The following EYS variants were observed in gnomAD, a reference collection of about 807,000 sequenced individuals.
EYS encodes the protein protein eyes shut homolog.
EYS carries 250 observed loss-of-function variants against 282.1 expected under a neutral mutation model. The observed-to-expected ratio is 0.89, with a 90% CI of 0.80 to 0.98. The LOEUF is 0.98. Among genes scored for constraint, EYS ranks in the 50% least tolerant of loss-of-function variants. The probability of loss-of-function intolerance (pLI) is 0.00; values close to 1 mark genes in which losing one functional copy is unlikely to be tolerated. For synonymous variants in EYS, 1,355 were observed against 1,282.9 expected, an observed-to-expected ratio of 1.06 and a Z score of -1.20; for missense variants, 4,016 against 3,709.0, an observed-to-expected ratio of 1.08 and a Z score of -2.15.
chr6:64,885,195 G>A (rs998709645), intron 19 of EYS, among the ~76,000 whole-genome samples: 1 of 151,548 alleles, frequency 6.6e-6, no homozygotes, highest in Non-Finnish European at 1.5e-5. Flanking sequence ...AATTAATTGA[G>A]TTTTCTTTTA....
chr6:65,384,463 C>T lies in EYS; in HGVS notation c.1222G>A (p.Ala408Thr), dbSNP rs751393941. The change falls in exon 8 of 43, where the codon GCA becomes ACA. Residue 408 changes from alanine to threonine, a missense_variant. Physicochemically the swap from Ala to Thr is moderately conservative, Grantham distance 58 (BLOSUM62 0). Coordinates refer to ENST00000503581, the MANE Select transcript of EYS (RefSeq NM_001142800.2). ...SGFTEKNCEK[A>T]IDHCKLLSIN... ...CTGAGCAGTTTACAGTGGTCAATTG[C>T]TTTCTCACAGTTTTTTTCAGTAAAT... 2.5e-6 allele frequency: 4 copies of T among 1,607,940 alleles called. No homozygotes were observed. Among genetic ancestry groups the T allele is most frequent in the South Asian group, 2.2e-5 (2 of 90,982 alleles).
chr6:65,313,706 C>T (rs138831054), intron 11 of EYS, among the ~76,000 whole-genome samples: 6,986 of 152,246 alleles, frequency 0.046, 219 homozygotes, highest in South Asian at 0.088. Flanking sequence ...ACAGCAAACA[C>T]CTGGCCCAGG....
At chr6:64,849,188 T>C (rs1765807019) in intron 19 of EYS, among the ~76,000 whole-genome samples, 1 of 151,988 alleles carries the variant, frequency 6.6e-6, no homozygotes, top group Admixed American at 6.6e-5. Flanking sequence ...TTAGCATTCA[T>C]GTAGCCAATA....
chr6:65,505,235 G>C (rs1021640818), intron 2 of EYS, among the ~76,000 whole-genome samples: 2 of 151,638 alleles, frequency 1.3e-5, no homozygotes, highest in African/African-American at 4.8e-5. Context: ...AATGCCCATA[G>C]GAACAATAAT....
intron 16 of EYS, among the ~76,000 whole-genome samples, chr6:64,907,171 A>T (rs1276941760): frequency 1.3e-5 from 2 of 152,138 alleles, no homozygotes; most frequent in East Asian, 1.9e-4. Flanking sequence ...CTCCTGCTTT[A>T]GCCTCCTGAA....
At chr6:64,006,817 C>T (rs114540298) in intron 33 of EYS, among the ~76,000 whole-genome samples, 3 of 152,158 alleles carry the variant, frequency 2.0e-5, no homozygotes, top group African/African-American at 7.2e-5. Flanking sequence ...TATGTTTATG[C>T]AAATATTTCA....
At chr6:64,122,686 A>C (rs527476374) in intron 31 of EYS, among the ~76,000 whole-genome samples, 1 of 152,306 alleles carries the variant, frequency 6.6e-6, no homozygotes, top group South Asian at 2.1e-4. Context: ...ATAATATTTT[A>C]AAGAATTTGA....
intron 30 of EYS, among the ~76,000 whole-genome samples, chr6:64,257,944 G>A (rs1238281480): frequency 6.6e-6 from 1 of 151,892 alleles, no homozygotes; most frequent in Non-Finnish European, 1.5e-5. Flanking sequence ...AAAGGATTCA[G>A]GGCAAATTTT....
chr6:64,141,631 G>T (rs1322605300), intron 31 of EYS, among the ~76,000 whole-genome samples: 3 of 151,980 alleles, frequency 2.0e-5, no homozygotes, highest in African/African-American at 7.3e-5. Flanking sequence ...ACTGAAAAAA[G>T]TATTTAAATT....
intron 2 of EYS, among the ~76,000 whole-genome samples, chr6:65,616,510 G>A (rs409288): frequency 0.058 from 8,791 of 151,782 alleles, 528 homozygotes; most frequent in East Asian, 0.18. Context: ...TCTTTAGGCC[G>A]GGCGCAGTGG....
chr6:64,307,930 A>G (rs909684156), intron 29 of EYS, among the ~76,000 whole-genome samples: 2 of 152,070 alleles, frequency 1.3e-5, no homozygotes, highest in Non-Finnish European at 2.9e-5. Flanking sequence ...TCATGCCTAT[A>G]TATCTTAGTA....
chr6:65,334,773 C>G, intron 11 of EYS: 1 of 533,070 alleles, frequency 1.9e-6, no homozygotes, highest in Non-Finnish European at 3.3e-6. Flanking sequence ...TTCTTCCCTC[C>G]TTTTATTGTG....
intron 11 of EYS, among the ~76,000 whole-genome samples, chr6:65,321,047 C>T (rs557687768): frequency 1.3e-5 from 2 of 152,234 alleles, no homozygotes; most frequent in Non-Finnish European, 2.9e-5. Flanking sequence ...AAACGCTAAA[C>T]ATTGTCTCAG....
chr6:63,858,266 G>T (rs546101958), intron 36 of EYS, among the ~76,000 whole-genome samples: 1 of 152,200 alleles, frequency 6.6e-6, no homozygotes, highest in Admixed American at 6.5e-5. Flanking sequence ...AAATTATTTG[G>T]CTAGGCTGGT....
intron 31 of EYS, among the ~76,000 whole-genome samples, chr6:64,227,913 A>T (rs895828982): frequency 5.3e-5 from 8 of 152,072 alleles, no homozygotes; most frequent in African/African-American, 1.9e-4. Flanking sequence ...AGATTTAGGG[A>T]CTGTTTATCC....
intron 31 of EYS, among the ~76,000 whole-genome samples, chr6:64,142,462 G>A (rs536488458): frequency 6.6e-6 from 1 of 152,182 alleles, no homozygotes; most frequent in South Asian, 2.1e-4. Context: ...CCAGGTCAGT[G>A]AGAAATAAGC....
intron 16 of EYS, among the ~76,000 whole-genome samples, chr6:64,911,042 C>G (rs913869216): frequency 6.6e-6 from 1 of 151,886 alleles, no homozygotes; most frequent in Non-Finnish European, 1.5e-5. Context: ...TTCTTACATT[C>G]TTAGACATGT....
rs114251327 is a variant in EYS at position 64,454,303 on chromosome 6, T to C, written c.5645-14951A>G. Among the ~76,000 whole-genome samples the C allele has an allele frequency of 3.0e-3, 460 of 152,260 alleles. 3 individuals carry two copies. The highest frequency in any genetic ancestry group is 0.01 in the African/African-American group (423 of 41,558). On this transcript the variant is annotated intron_variant, in intron 26 of 42. Coordinates refer to ENST00000503581, the MANE Select transcript of EYS (RefSeq NM_001142800.2). ...ATTGGTTTTTTGATGAGATTTTGTA[T>C]AGCATAGGTCACGTTCTGCATATTG...
At chr6:64,849,547 TTTTATATATTAGAAATA>T (rs1331399491) in intron 19 of EYS, among the ~76,000 whole-genome samples, 1 of 152,010 alleles carries the variant, frequency 6.6e-6, no homozygotes, top group Non-Finnish European at 1.5e-5. Flanking sequence ...TAGCTCACAG[TTTTATATATTAGAAATA>T]TAAGTGGGCT....
Sources: allele counts gnomAD v4.1 joint callset (sites outside exome capture counted in the v4.1 genomes callset), GRCh38; gene constraint gnomAD v4.1.1; transcripts MANE v1.5; gene names NCBI Gene and HGNC (gene_info 2026-07-23, HGNC 2026-07-21).